The following ATRX variants were observed in gnomAD, a reference collection of about 807,000 sequenced individuals.
ATRX encodes ATRX chromatin remodeler, also known as chromatin remodeler ATRX.
A neutral mutation model predicts 172.6 loss-of-function variants in ATRX; 12 were observed. That is an observed-to-expected ratio of 0.07 (90% CI 0.04 to 0.11). The LOEUF is 0.11. Ranked by LOEUF, ATRX falls within the 10% of genes least tolerant of loss-of-function variation. ATRX has a pLI of 1.00. For missense variants in ATRX, 1,368 were observed against 1,767.4 expected, an observed-to-expected ratio of 0.77 and a Z score of 4.05; for synonymous variants, 674 against 594.7, an observed-to-expected ratio of 1.13 and a Z score of -1.94.
intron 2 of ATRX, among the ~76,000 whole-genome samples, chrX:77,702,337 G>A (rs782635002): frequency 1.8e-5 from 2 of 111,938 alleles, no homozygotes; most frequent in African/African-American, 6.5e-5. Context: ...CAGCTACTCG[G>A]TAAGCCGAGG....
At chrX:77,723,004 C>T (rs1799199573) in intron 1 of ATRX, among the ~76,000 whole-genome samples, 1 of 112,070 alleles carries the variant, frequency 8.9e-6, no homozygotes, top group Non-Finnish European at 1.9e-5. Flanking sequence ...GAATACTATG[C>T]AGCCATAAAA....
intron 2 of ATRX, among the ~76,000 whole-genome samples, chrX:77,700,263 G>A (rs2072428580): frequency 8.9e-6 from 1 of 111,758 alleles, no homozygotes; most frequent in Non-Finnish European, 1.9e-5. Context: ...ATGTCATTAG[G>A]GAATTGCAAA....
At chrX:77,557,248 ACTAT>A (rs2064839729) in intron 30 of ATRX, among the ~76,000 whole-genome samples, 199 bp downstream of exon 30, 2 of 111,955 alleles carry the variant, frequency 1.8e-5, no homozygotes, top group Non-Finnish European at 1.9e-5. Context: ...TTCAGAATAT[ACTAT>A]CTTTTTGTGG....
At chrX:77,543,050 T>C (rs1336682080) in intron 30 of ATRX, among the ~76,000 whole-genome samples, 1 of 111,701 alleles carries the variant, frequency 9.0e-6, no homozygotes, top group Admixed American at 9.5e-5. Context: ...AGAAAATTTT[T>C]GCAATCTACT....
At chrX:77,535,354 A>C (rs2063714302) in intron 30 of ATRX, among the ~76,000 whole-genome samples, 1 of 112,142 alleles carries the variant, frequency 8.9e-6, no homozygotes, top group Admixed American at 9.5e-5. Context: ...GGCCTGCCAA[A>C]ATGACTTAGG....
At chrX:77,777,329 G>A (rs1337564389) in intron 1 of ATRX, among the ~76,000 whole-genome samples, 6 of 108,335 alleles carry the variant, frequency 5.5e-5, no homozygotes, top group South Asian at 4.0e-4. Context: ...TGCAGTGAGC[G>A]GACATCACAC....
chrX:77,526,428 G>C (rs1311984887), intron 30 of ATRX, among the ~76,000 whole-genome samples: 3 of 111,015 alleles, frequency 2.7e-5, no homozygotes, highest in Non-Finnish European at 5.7e-5. Context: ...TCAGCCTCCT[G>C]AGTAGCTGGA....
At chrX:77,600,022 C>CA (rs2066616353) in intron 23 of ATRX, among the ~76,000 whole-genome samples, 1 of 110,993 alleles carries the variant, frequency 9.0e-6, no homozygotes, top group African/African-American at 3.3e-5. Context: ...TCATGGAAAA[C>CA]AAAAAAGACA....
intron 5 of ATRX, among the ~76,000 whole-genome samples, chrX:77,696,210 G>A (rs782549094): frequency 8.9e-6 from 1 of 111,797 alleles, no homozygotes; most frequent in South Asian, 3.7e-4. Flanking sequence ...AAGTTTTCAG[G>A]AACAGTCATT....
At chrX:77,540,908 T>C (rs1178616298) in intron 30 of ATRX, among the ~76,000 whole-genome samples, 1 of 110,340 alleles carries the variant, frequency 9.1e-6, no homozygotes, top group Non-Finnish European at 1.9e-5. Context: ...TTAAAAGAAC[T>C]AGAGAAGCAA....
chrX:77,518,013 A>G (rs966165610), intron 34 of ATRX, among the ~76,000 whole-genome samples: 2 of 112,102 alleles, frequency 1.8e-5, no homozygotes, highest in East Asian at 5.6e-4. Context: ...TAGAAGGAAC[A>G]TACCTCAACA....
chrX:77,644,424 C>T (rs782497396), intron 15 of ATRX, among the ~76,000 whole-genome samples: 1 of 111,843 alleles, frequency 8.9e-6, no homozygotes, highest in Non-Finnish European at 1.9e-5. Flanking sequence ...GGGAGAGAAC[C>T]TCATATGCAG....
At chrX:77,661,563 A>G (rs1412441607) in intron 12 of ATRX, among the ~76,000 whole-genome samples, 8 of 110,878 alleles carry the variant, frequency 7.2e-5, no homozygotes, top group Middle Eastern at 4.7e-3. Flanking sequence ...CCCAGTTGGC[A>G]AAGAAGAGTT....
intron 22 of ATRX, among the ~76,000 whole-genome samples, chrX:77,606,696 G>A (rs1557090697): frequency 9.8e-6 from 1 of 102,048 alleles, no homozygotes; most frequent in African/African-American, 3.6e-5. Flanking sequence ...GCCGAAGAAG[G>A]AGGATCCCTT....
At chrX:77,691,228 T>C (rs2071870006) in intron 6 of ATRX, 1 of 111,957 alleles carries the variant, frequency 8.9e-6, no homozygotes, top group Non-Finnish European at 1.9e-5. Flanking sequence ...TCATTACCTG[T>C]GGGGTGGGAA....
At chrX:77,728,136 T>C (rs1011556127) in intron 1 of ATRX, 4 of 109,775 alleles carry the variant, frequency 3.6e-5, no homozygotes, top group Non-Finnish European at 7.6e-5. Context: ...CCTAGCAATT[T>C]GAGAGGCGGA....
chrX:77,652,280 T>G lies in ATRX; in HGVS notation c.4391A>C (p.Glu1464Ala), dbSNP rs1419177341. 1 of 1,206,884 alleles carries G rather than the reference T, an allele frequency of 8.3e-7. No individual in the cohort carries two copies. Residue 1464 changes from glutamate (E) to alanine (A), a missense_variant, in exon 15 of 35, where the codon GAA (glutamate) becomes GCA (alanine). Transcript: ENST00000373344. ...AGACTTGGAATCATCATTTTCATCT[T>G]CCTCCTCCTCTTCCTCCTCCTCCTC... The part of the protein sequence containing the change: ...EEEEEEEEEE[E>A]DENDDSKSPG...
In ATRX at chrX:77,560,593, C is replaced by G. The variant is rs939368063; in HGVS notation, c.6327-1747G>C. ...AACACAAAATGTTTTTCTTTTCTTT[C>G]ATGAAAGAAAATTAATGACTAAAAT... On this transcript the variant is annotated intron_variant, in intron 28 of 34. Coordinates refer to ENST00000373344, the MANE Select transcript of ATRX (RefSeq NM_000489.6). 5.4e-5 allele frequency among the ~76,000 whole-genome samples: 6 copies of G among 111,003 alleles called. No homozygotes were observed. The East Asian group carries it at 1.7e-3, about 31-fold the overall frequency.
chrX:77,766,818 T>C (rs1320038603), intron 1 of ATRX, among the ~76,000 whole-genome samples: 1 of 108,609 alleles, frequency 9.2e-6, no homozygotes, highest in Admixed American at 9.7e-5. Flanking sequence ...CCAGACGGGG[T>C]GGCGGCCGGG....
Sources: gnomAD v4.1 joint callset for allele counts (sites outside exome capture counted in the v4.1 genomes callset) on GRCh38, gnomAD v4.1.1 for gene constraint, MANE v1.5 for transcripts, NCBI Gene and HGNC (gene_info 2026-07-23, HGNC 2026-07-21) for gene names.